ANKLE1: variants seen among roughly 807,000 people sequenced by gnomAD.
ANKLE1 encodes ankyrin repeat and LEM domain containing 1.
In ANKLE1, 59 loss-of-function variants were observed where a neutral mutation model predicts 56.2. The observed-to-expected ratio is 1.05, with a 90% CI of 0.85 to 1.30. The LOEUF (loss-of-function observed/expected upper bound fraction) is 1.30, where lower values mean the gene tolerates loss of function less well. ANKLE1 is among the 50% of genes most tolerant of loss of function. The pLI is 0.00. For missense variants in ANKLE1, 771 were observed against 816.1 expected (o/e 0.94, Z 0.67); for synonymous variants, 341 against 352.9 (o/e 0.97, Z 0.38).
In ANKLE1 at chr19:17,284,175, C is replaced by A; in HGVS notation, c.1285C>A (p.Leu429Met). Residue 429 changes from leucine to methionine, a missense_variant, in exon 6 of 9, where the codon CTG (leucine) becomes ATG (methionine). Leu to Met is a conservative substitution (Grantham distance 15, BLOSUM62 2). Coordinates refer to ENST00000404085, the MANE Select transcript of ANKLE1 (RefSeq NM_152363.6). ...IPDVQADEDA[L>M]AQQFEQPDPA... ...AGATGTCCAGGCAGATGAAGACGCG[C>A]TGGCCCAGCAGTTTGAGCAGCCAGA... The A allele has an allele frequency of 6.2e-7, 1 of 1,613,874 alleles. No individual in the cohort carries two copies. Among genetic ancestry groups the A allele is most frequent in the Non-Finnish European group, 8.5e-7 (1 of 1,179,882 alleles).
rs58535756 is a variant in ANKLE1 at position 17,286,647 on chromosome 19, GGT to G, written c.*138_*139del. The G allele has an allele frequency of 0.018, 25,083 of 1,414,312 alleles. 156 individuals are homozygous for G. Among genetic ancestry groups the G allele is most frequent in the East Asian group, 0.082 (2,605 of 31,658 alleles). 87.6% of individuals were successfully genotyped at this position (1,414,312 alleles called of 1,614,324 possible). A position where few individuals can be genotyped will look rare whatever the true frequency, so the allele number is the denominator to read the frequency against. On this transcript the variant is annotated 3_prime_UTR_variant, in exon 9 of 9. Coordinates refer to ENST00000404085, the MANE Select transcript of ANKLE1 (RefSeq NM_152363.6). ...AGCCCCCATCTCTGGTTTCAGAAGG[GGT>G]GTGTGTGTGTGTGTGTGTGTGTGTG...
At chr19:17,283,033 T>C (rs1192821329) in intron 4 of ANKLE1, 31 bp downstream of exon 4, 5 of 1,549,362 alleles carry the variant, frequency 3.2e-6, no homozygotes, top group Non-Finnish European at 4.3e-6. Flanking sequence ...TGCTGGGGCT[T>C]GACTTCTGGA....
At chr19:17,283,117 C>T in intron 4 of ANKLE1, 108 bp from the exon 5 acceptor site, 3 of 1,541,556 alleles carry the variant, frequency 1.9e-6, no homozygotes, top group Non-Finnish European at 2.6e-6. Flanking sequence ...TATTTGTGGC[C>T]AGCTCTTTCG....
At position 17,283,385 on chromosome 19, in the gene ANKLE1, G is replaced by A. The variant is rs778702685; in HGVS notation, c.621G>A (p.Ala207=). Residue 207 remains alanine (A), a synonymous_variant, in exon 5 of 9, where the codon GCG becomes GCA. Coordinates refer to ENST00000404085, the MANE Select transcript of ANKLE1 (RefSeq NM_152363.6). ...CTGTGGACAAACATGGGAGCTCGGC[G>A]TCCCCTCCAGGGCACTGGGATTACA... ...LETVDKHGSS[A]SPPGHWDYSS... 50 of 1,613,540 alleles carry A rather than the reference G, an allele frequency of 3.1e-5. No individual in the cohort carries two copies. Among genetic ancestry groups the A allele is most frequent in the East Asian group, 4.5e-5 (2 of 44,886 alleles).
At position 17,284,121 on chromosome 19, in the gene ANKLE1, G is replaced by T. The variant is rs775271496; in HGVS notation, c.1231G>T (p.Ala411Ser). Residue 411 changes from alanine to serine, a missense_variant, in exon 6 of 9, where the codon GCT (alanine) becomes TCT (serine). Coordinates refer to ENST00000404085, the MANE Select transcript of ANKLE1 (RefSeq NM_152363.6). Reference sequence around the variant, plus strand: ...GTTTTCAGGGCACAGCCTAGAACTGGCTGCAGCCCTGCGGACGGGCTGTAT... The same window carrying T: ...GTTTTCAGGGCACAGCCTAGAACTGTCTGCAGCCCTGCGGACGGGCTGTAT... The part of the protein sequence containing the change: ...PEFSGHSLEL[A>S]AALRTGCIPD... 1 of 1,613,946 alleles carries T rather than the reference G, an allele frequency of 6.2e-7. No individual in the cohort carries two copies. The highest frequency in any genetic ancestry group is 8.5e-7 in the Non-Finnish European group (1 of 1,179,888).
rs1041322907 is a variant in ANKLE1, at chr19:17,287,403, C to T, written c.*851C>T. 4 of 151,874 alleles carry T rather than the reference C, an allele frequency of 2.6e-5. No individual in the cohort carries two copies. Among genetic ancestry groups the T allele is most frequent in the Admixed American group, 6.6e-5 (1 of 15,248 alleles). The allele number at this position is 151,874 out of a possible 1,614,324, so 9.4% of individuals were successfully genotyped here. A position where few individuals can be genotyped will look rare whatever the true frequency, so the allele number is the denominator to read the frequency against. ...CTGAGATTGTACCATTGCACTCCAG[C>T]CTGGGCAACAGAGCGAGAGTCTGTC... On this transcript the variant is annotated 3_prime_UTR_variant, in exon 9 of 9. Transcript: ENST00000404085.
intron 6 of ANKLE1, among the ~76,000 whole-genome samples, chr19:17,285,163 G>T (rs2074017374): frequency 6.6e-6 from 1 of 152,070 alleles, no homozygotes; most frequent in Admixed American, 6.5e-5. Flanking sequence ...GGAGGCTGAG[G>T]CAGGAGAATC....
At chr19:17,285,623 C>T (rs2074023035) in intron 7 of ANKLE1, 33 bp downstream of exon 7, 2 of 1,613,776 alleles carry the variant, frequency 1.2e-6, no homozygotes, top group South Asian at 2.2e-5. Context: ...TCAGCGAGGG[C>T]AGTCGGGCCA....
At position 17,283,945 on chromosome 19, in the gene ANKLE1, A is replaced by G; in HGVS notation, c.1181A>G (p.Glu394Gly). The change falls in exon 5 of 9, where the codon GAA (glutamate) becomes GGA (glycine). Residue 394 changes from glutamate (E) to glycine (G), a missense_variant. By Grantham distance (98) the Glu-to-Gly change is moderately conservative. Coordinates refer to ENST00000404085, the MANE Select transcript of ANKLE1 (RefSeq NM_152363.6). ...TRQLYHQQLE[E>G]AQIAPGPEFS... ...CAGTTGTACCACCAGCAGCTGGAAG[A>G]AGCCCAGATTGCTCCTGGTTAGTCT... is the stretch of plus-strand genomic sequence containing the variant. The G allele has an allele frequency of 6.2e-7, 1 of 1,606,280 alleles. No individual in the cohort carries two copies. Among genetic ancestry groups the G allele is most frequent in the African/African-American group, 1.3e-5 (1 of 74,958 alleles).
rs149470751 is a variant in ANKLE1, at chr19:17,285,814, C to A, written c.1670C>A (p.Ala557Asp). ...AYTREACIVE[A>D]LGIQTLTNQK... ...ACACGGGAGGCGTGTATTGTGGAAG[C>A]CCTAGGTGGGTGCCTGGTACCTAGA... The change falls in exon 8 of 9, where the codon GCC becomes GAC. Residue 557 changes from alanine to aspartate, a missense_variant. By Grantham distance (126) the Ala-to-Asp change is moderately radical. Transcript: ENST00000404085. 242 of 1,613,438 alleles carry A rather than the reference C, an allele frequency of 1.5e-4. 1 individual carries two copies. The African/African-American group carries it at 3.0e-3, about 20-fold the overall frequency.
rs537111165 is a variant in ANKLE1, at chr19:17,285,339, G to A, written c.1377-92G>A. 70 of 1,479,472 alleles carry A rather than the reference G, an allele frequency of 4.7e-5. No individual in the cohort carries two copies. The South Asian group carries it at 7.5e-4, about 16-fold the overall frequency. The allele number at this position is 1,479,472 out of a possible 1,614,324, so 91.6% of individuals were successfully genotyped here. ...CTGATCCTGTAATCAGGAGTCACTA[G>A]ACATGGGTTCAAGATATGTTGTGAC... On this transcript the variant is annotated intron_variant, in intron 6 of 8. Transcript: ENST00000404085.
chr19:17,283,513 GA>G lies in ANKLE1; in HGVS notation c.750del (p.Leu251PhefsTer21), dbSNP rs570135309. The G allele has an allele frequency of 1.6e-4, 258 of 1,613,046 alleles. No individual in the cohort carries two copies. In the African/African-American group the frequency reaches 3.1e-3, roughly 20 times the overall value. On this transcript the variant is annotated frameshift_variant, in exon 5 of 9. Transcript: ENST00000404085. LOFTEE classifies it high-confidence loss of function. Reference sequence around the variant, plus strand: ...GGGTCATTGCCACCGACCAGGCAGGGACTTCTGCATGTTGTCCATGCCAACC... The same window carrying G: ...GGGTCATTGCCACCGACCAGGCAGGGCTTCTGCATGTTGTCCATGCCAACC... ...WAGSLPPTRQGLLHVVHANQR... is the reference protein window; with the variant it reads ...WAGSLPPTRQXLLHVVHANQR...
chr19:17,284,158 A>C lies in ANKLE1; in HGVS notation c.1268A>C (p.Gln423Pro), dbSNP rs1448468388. ...ALRTGCIPDV[Q>P]ADEDALAQQF... ...CGGACGGGCTGTATTCCAGATGTCC[A>C]GGCAGATGAAGACGCGCTGGCCCAG... Residue 423 changes from glutamine to proline, a missense_variant, in exon 6 of 9, where the codon CAG becomes CCG. Physicochemically the swap from Gln to Pro is moderately conservative, Grantham distance 76. Transcript: ENST00000404085. 2 of 1,613,784 alleles carry C rather than the reference A, an allele frequency of 1.2e-6. No individual in the cohort carries two copies. The highest frequency in any genetic ancestry group is 2.7e-5 in the African/African-American group (2 of 74,928).
chr19:17,283,257 C>T lies in ANKLE1; in HGVS notation c.493C>T (p.Leu165=). ...CCTCTCTGGACCTACCGATGAGACG[C>T]TGGACTCCATAGCACTCCAAAAGCA... is the stretch of plus-strand genomic sequence containing the variant. ...PGLSGPTDET[L]DSIALQKQPC... Residue 165 remains leucine, a synonymous_variant, in exon 5 of 9, where the codon CTG becomes TTG. Transcript: ENST00000404085. 6.2e-7 allele frequency: 1 copy of T among 1,613,012 alleles called. No individual in the cohort carries two copies. The highest frequency in any genetic ancestry group is 1.3e-5 in the African/African-American group (1 of 75,020).
rs2073999994 is a variant in ANKLE1, at chr19:17,283,629, C to A, written c.865C>A (p.Gln289Lys). ...GACCCCACCAAATGCTGCTGGCTTC[C>A]AGTCCTCCCCTTCCTCCATGCCTCT... ...TLTPPNAAGF[Q>K]SSPSSMPLLD... The change falls in exon 5 of 9, where the codon CAG becomes AAG. Residue 289 changes from glutamine to lysine, a missense_variant. Physicochemically the swap from Gln to Lys is moderately conservative, Grantham distance 53 (BLOSUM62 1). Transcript: ENST00000404085. The A allele has an allele frequency of 2.5e-6, 4 of 1,612,368 alleles. No individual in the cohort carries two copies. Among genetic ancestry groups the A allele is most frequent in the Non-Finnish European group, 3.4e-6 (4 of 1,179,124 alleles).
Position 17,286,870 on chromosome 19 carries a change from C to T in ANKLE1, c.*318C>T, listed in dbSNP as rs1346938974. On this transcript the variant is annotated 3_prime_UTR_variant, in exon 9 of 9. Transcript: ENST00000404085. The stretch of plus-strand genomic sequence containing the variant: ...AACAGTCCGGTGCTTCTGTAAGAGG[C>T]GTTTGAACCTGGGCAACTCCACCTG... 31 of 1,102,408 alleles carry T rather than the reference C, an allele frequency of 2.8e-5. 1 individual carries two copies. The South Asian group carries it at 7.0e-4, about 25-fold the overall frequency. 68.3% of individuals were successfully genotyped at this position (1,102,408 alleles called of 1,614,324 possible).
chr19:17,285,245 G>A (rs1027064628), intron 6 of ANKLE1, among the ~76,000 whole-genome samples, 186 bp from the exon 7 acceptor site: 1 of 132,980 alleles, frequency 7.5e-6, no homozygotes, highest in African/African-American at 2.9e-5. Flanking sequence ...GGGAACAAGA[G>A]TGAAACTCTG....
chr19:17,283,115 G>A (rs2073992906), intron 4 of ANKLE1, 110 bp from the exon 5 acceptor site: 7 of 1,544,134 alleles, frequency 4.5e-6, no homozygotes, highest in Non-Finnish European at 6.1e-6. Context: ...ACTATTTGTG[G>A]CCAGCTCTTT....
In ANKLE1 at chr19:17,286,651, TG is replaced by T; in HGVS notation, c.*100del. ...CCCATCTCTGGTTTCAGAAGGGGTG[TG>T]TGTGTGTGTGTGTGTGTGTGTGTGT... On this transcript the variant is annotated 3_prime_UTR_variant, in exon 9 of 9. Coordinates refer to ENST00000404085, the MANE Select transcript of ANKLE1 (RefSeq NM_152363.6). The T allele has an allele frequency of 1.9e-6, 1 of 516,254 alleles. No homozygotes were observed. Among genetic ancestry groups the T allele is most frequent in the East Asian group, 5.0e-5 (1 of 20,072 alleles). The allele number at this position is 516,254 out of a possible 1,614,324, so 32.0% of individuals were successfully genotyped here. A position where few individuals can be genotyped will look rare whatever the true frequency, so the allele number is the denominator to read the frequency against.
Sources: gnomAD v4.1 joint callset for allele counts (sites outside exome capture counted in the v4.1 genomes callset) on GRCh38, gnomAD v4.1.1 for gene constraint, MANE v1.5 for transcripts, NCBI Gene and HGNC (gene_info 2026-07-23, HGNC 2026-07-21) for gene names.